The following ADGRL3 variants were observed in gnomAD, a reference collection of about 807,000 sequenced individuals.
ADGRL3 encodes the protein calcium-independent alpha-latrotoxin receptor 3.
In ADGRL3, 62 loss-of-function variants were observed where a neutral mutation model predicts 153.5. The ratio of observed to expected loss-of-function variants is 0.40; its 90% CI spans 0.33 to 0.50. The LOEUF (loss-of-function observed/expected upper bound fraction) is 0.50. Among genes scored for constraint, ADGRL3 ranks in the 20% least tolerant of loss-of-function variants. The probability of loss-of-function intolerance (pLI) is 0.47; values close to 1 mark genes in which losing one functional copy is unlikely to be tolerated. For missense variants in ADGRL3, 1,641 were observed against 1,859.4 expected, an observed-to-expected ratio of 0.88 and a Z score of 2.16; for synonymous variants, 710 against 672.5, an observed-to-expected ratio of 1.06 and a Z score of -0.86.
intron 12 of ADGRL3, 54 bp from the exon 13 acceptor site, chr4:61,912,665 T>G: frequency 6.7e-7 from 1 of 1,491,620 alleles, no homozygotes; most frequent in Non-Finnish European, 9.3e-7. Flanking sequence ...TTTTCTTCTG[T>G]CACTAACTTG....
chr4:61,387,018 A>G (rs186956674), intron 2 of ADGRL3, among the ~76,000 whole-genome samples: 3 of 152,308 alleles, frequency 2.0e-5, no homozygotes, highest in East Asian at 1.9e-4. Flanking sequence ...CCCAATAATC[A>G]CGTAGGTTCT....
chr4:61,231,623 G>A (rs1313890511), intron 1 of ADGRL3, among the ~76,000 whole-genome samples: 2 of 152,036 alleles, frequency 1.3e-5, no homozygotes, highest in African/African-American at 4.8e-5. Context: ...TTGTGCTTCT[G>A]TGCATTTCCT....
At chr4:61,730,809 C>G (rs1213756414) in intron 7 of ADGRL3, among the ~76,000 whole-genome samples, 173 bp downstream of exon 7, 2 of 151,872 alleles carry the variant, frequency 1.3e-5, no homozygotes, top group African/African-American at 4.8e-5. Flanking sequence ...GAGTCACTTT[C>G]TTTTATCTAA....
intron 11 of ADGRL3, among the ~76,000 whole-genome samples, chr4:61,900,775 C>G (rs2098660165): frequency 6.6e-6 from 1 of 152,038 alleles, no homozygotes; most frequent in South Asian, 2.1e-4. Flanking sequence ...AGATACATAT[C>G]TATATACATA....
intron 4 of ADGRL3, among the ~76,000 whole-genome samples, chr4:61,563,871 G>T (rs1170391291): frequency 6.6e-6 from 1 of 152,100 alleles, no homozygotes; most frequent in African/African-American, 2.4e-5. Context: ...AGCTGGGCGT[G>T]GTGGTGCGCG....
intron 1 of ADGRL3, among the ~76,000 whole-genome samples, chr4:61,222,163 C>A (rs538086466): frequency 6.6e-6 from 1 of 152,058 alleles, no homozygotes; most frequent in African/African-American, 2.4e-5. Flanking sequence ...TTAAGATACT[C>A]TTGGGTAGTT....
rs75504172 is a variant in ADGRL3, at chr4:61,785,649, T to A, written c.1400-28160T>A. On this transcript the variant is annotated intron_variant, in intron 8 of 26. Transcript: ENST00000683033. ...TCTGAATAAACCCATAGAATTTTCT[T>A]AGTCTCTCTCTTTCTCCTTCTTTAA... Among the ~76,000 whole-genome samples the A allele has an allele frequency of 3.8e-3, 579 of 152,306 alleles. 6 individuals are homozygous for A. The highest frequency in any genetic ancestry group is 0.013 in the African/African-American group (554 of 41,580).
At position 62,075,072 on chromosome 4, in the gene ADGRL3, A is replaced by G. The variant is rs1746724643; in HGVS notation, c.*4164A>G. Reference sequence around the variant, plus strand: ...AAAGGGAGAGGAAAAATAGTTTACAAGTTTTCTAAAGATCAACTCCAGACT... The same window carrying G: ...AAAGGGAGAGGAAAAATAGTTTACAGGTTTTCTAAAGATCAACTCCAGACT... On this transcript the variant is annotated 3_prime_UTR_variant, in exon 27 of 27. Transcript: ENST00000683033. 1 of 152,324 alleles carries G rather than the reference A, an allele frequency of 6.6e-6. No individual in the cohort carries two copies. The highest frequency in any genetic ancestry group is 2.4e-5 in the African/African-American group (1 of 41,574). The allele number at this position is 152,324 out of a possible 1,614,324, so 9.4% of individuals were successfully genotyped here.
At chr4:61,821,377 T>A (rs1483987680) in intron 9 of ADGRL3, among the ~76,000 whole-genome samples, 6 of 151,820 alleles carry the variant, frequency 4.0e-5, no homozygotes, top group East Asian at 1.9e-4. Context: ...TTATTTATTT[T>A]TTGAGACAGA....
chr4:61,705,283 T>C (rs891816095), intron 6 of ADGRL3, among the ~76,000 whole-genome samples: 2 of 152,068 alleles, frequency 1.3e-5, no homozygotes, highest in African/African-American at 4.8e-5. Flanking sequence ...TTAGCAGGAA[T>C]GAAAACAACA....
chr4:61,827,054 A>G (rs1201128994), intron 9 of ADGRL3, among the ~76,000 whole-genome samples: 1 of 152,200 alleles, frequency 6.6e-6, no homozygotes, highest in Admixed American at 6.5e-5. Context: ...CAGATGTAGC[A>G]GAATAGTTTA....
At chr4:61,464,384 A>G (rs1186337032) in intron 2 of ADGRL3, among the ~76,000 whole-genome samples, 1 of 152,192 alleles carries the variant, frequency 6.6e-6, no homozygotes, top group Admixed American at 6.5e-5. Context: ...AAGAATGTAA[A>G]TGTGCAGAGT....
chr4:61,931,937 G>GT (rs1401494246), intron 13 of ADGRL3, among the ~76,000 whole-genome samples: 2 of 151,992 alleles, frequency 1.3e-5, no homozygotes, highest in Non-Finnish European at 2.9e-5. Flanking sequence ...GACATACAAA[G>GT]TTTTTTAGAT....
chr4:61,903,650 C>CAAAAAAAAAAAAAAAAAAAA (rs55879235), intron 11 of ADGRL3, among the ~76,000 whole-genome samples: 3 of 72,342 alleles, frequency 4.1e-5, no homozygotes, highest in African/African-American at 6.5e-5. Flanking sequence ...TGGGAAACAG[C>CAAAAAAAAAAAAAAAAAAAA]AAAAAAAAAA....
At chr4:61,773,556 TATAAGA>T (rs1419035735) in intron 8 of ADGRL3, among the ~76,000 whole-genome samples, 1 of 152,220 alleles carries the variant, frequency 6.6e-6, no homozygotes, top group Admixed American at 6.5e-5. Context: ...GAGTGTGGCC[TATAAGA>T]ATAACTGCCA....
intron 5 of ADGRL3, among the ~76,000 whole-genome samples, chr4:61,588,207 A>G (rs2098954644): frequency 6.6e-6 from 1 of 151,870 alleles, no homozygotes. Flanking sequence ...CCTTTAGTAT[A>G]AGCCTACAGC....
rs888138195 is a variant in ADGRL3 at position 61,261,524 on chromosome 4, C to T, written c.-240+59759C>T. Among the ~76,000 whole-genome samples the T allele has an allele frequency of 1.1e-3, 160 of 152,062 alleles. 2 individuals carry two copies. Among genetic ancestry groups the T allele is most frequent in the Admixed American group, 0.01 (154 of 15,244 alleles). On this transcript the variant is annotated intron_variant, in intron 1 of 26. Transcript: ENST00000683033. ...GTTGAATCCATTAATGCTGAACCCACGGATACAGAGAGCAATTGTATTTTG... is the reference window on the plus strand; with the variant it reads ...GTTGAATCCATTAATGCTGAACCCATGGATACAGAGAGCAATTGTATTTTG...
chr4:61,763,379 G>A (rs1459033154), intron 8 of ADGRL3, among the ~76,000 whole-genome samples: 2 of 151,444 alleles, frequency 1.3e-5, no homozygotes, highest in Non-Finnish European at 2.9e-5. Flanking sequence ...TAGAGACGGG[G>A]TTTCACTATG....
Position 61,935,937 on chromosome 4 carries a change from A to C in ADGRL3, c.2311A>C (p.Arg771=). 1 of 1,594,584 alleles carries C rather than the reference A, an allele frequency of 6.3e-7. No individual in the cohort carries two copies. Among genetic ancestry groups the C allele is most frequent in the South Asian group, 1.1e-5 (1 of 87,918 alleles). The change falls in exon 15 of 27, where the codon AGA becomes CGA. Residue 771 remains arginine, a synonymous_variant. Coordinates refer to ENST00000683033, the MANE Select transcript of ADGRL3 (RefSeq NM_001387552.1). ...GATATTAACAGAATTGGAAGTTGCA[A>C]GACTGAGCACAGAAGGAAACTTAGA... ...NTDNIKLEVA[R]LSTEGNLEDL...
Sources: gnomAD v4.1 joint callset for allele counts (sites outside exome capture counted in the v4.1 genomes callset) on GRCh38, gnomAD v4.1.1 for gene constraint, MANE v1.5 for transcripts, NCBI Gene and HGNC (gene_info 2026-07-23, HGNC 2026-07-21) for gene names.